RSPO2: variants seen among roughly 807,000 people sequenced by gnomAD.
The protein encoded by RSPO2 is R-spondin 2.
RSPO2 carries 14 observed loss-of-function variants against 30.9 expected under a neutral mutation model. The ratio of observed to expected loss-of-function variants is 0.45; its 90% CI spans 0.30 to 0.71. The LOEUF (loss-of-function observed/expected upper bound fraction) is 0.71, where lower values mean the gene tolerates loss of function less well. Among genes scored for constraint, RSPO2 ranks in the 30% least tolerant of loss-of-function variants. The pLI, the probability that RSPO2 is intolerant of heterozygous loss-of-function variation, is 0.08. For missense variants in RSPO2, 264 were observed against 301.9 expected, an observed-to-expected ratio of 0.87 and a Z score of 0.93; for synonymous variants, 107 against 96.4, an observed-to-expected ratio of 1.11 and a Z score of -0.64.
At chr8:108,038,751 T>TA (rs776604227) in intron 2 of RSPO2, among the ~76,000 whole-genome samples, 18 of 151,342 alleles carry the variant, frequency 1.2e-4, no homozygotes, top group Admixed American at 2.6e-4. Flanking sequence ...AGATGATTGT[T>TA]AGTGGGTTTT....
chr8:107,969,767 G>A (rs1485751115), intron 3 of RSPO2, among the ~76,000 whole-genome samples: 1 of 152,156 alleles, frequency 6.6e-6, no homozygotes, highest in Non-Finnish European at 1.5e-5. Flanking sequence ...TTCAAAAATT[G>A]TAAACCAAAT....
chr8:108,060,792 G>A (rs924481477), intron 2 of RSPO2, among the ~76,000 whole-genome samples: 7 of 151,730 alleles, frequency 4.6e-5, no homozygotes, highest in South Asian at 2.1e-4. Context: ...GAGAAAGGTC[G>A]GGTTACCCTC....
At chr8:107,943,467 G>A (rs1472609256) in intron 5 of RSPO2, among the ~76,000 whole-genome samples, 1 of 152,142 alleles carries the variant, frequency 6.6e-6, no homozygotes, top group South Asian at 2.1e-4. Flanking sequence ...TAAAAGGAAC[G>A]GTTCAAATTA....
At chr8:107,947,249 T>C (rs554316) in intron 5 of RSPO2, among the ~76,000 whole-genome samples, 2 of 151,988 alleles carry the variant, frequency 1.3e-5, no homozygotes, top group South Asian at 4.1e-4. Context: ...ATTTGTGTAC[T>C]TTAAATTTTC....
intron 3 of RSPO2, among the ~76,000 whole-genome samples, chr8:107,964,791 C>A (rs1450032028): frequency 1.3e-5 from 2 of 152,124 alleles, no homozygotes; most frequent in Non-Finnish European, 2.9e-5. Context: ...AAGCATTTTA[C>A]CCTTCACTGG....
chr8:108,009,594 C>A (rs1383945177), intron 2 of RSPO2, among the ~76,000 whole-genome samples: 2 of 152,118 alleles, frequency 1.3e-5, no homozygotes, highest in African/African-American at 4.8e-5. Flanking sequence ...TTATTTTTAG[C>A]TCTTAGCTTT....
intron 2 of RSPO2, among the ~76,000 whole-genome samples, chr8:107,991,177 G>T (rs1814832139): frequency 6.6e-6 from 1 of 151,382 alleles, no homozygotes; most frequent in Non-Finnish European, 1.5e-5. Flanking sequence ...AACCTGGAAG[G>T]CAGAGGTTGT....
At chr8:108,029,054 CTTTTTTTTTTTTTTTTTTTTTT>C (rs71308771) in intron 2 of RSPO2, among the ~76,000 whole-genome samples, 33 of 26,200 alleles carry the variant, frequency 1.3e-3, no homozygotes, top group Middle Eastern at 0.025. Context: ...TAACATGAGT[CTTTTTTTTTTTTTTTTTTTTTT>C]TTTTTTTTTT....
At chr8:108,021,250 A>T (rs1811049401) in intron 2 of RSPO2, among the ~76,000 whole-genome samples, 2 of 152,294 alleles carry the variant, frequency 1.3e-5, no homozygotes, top group South Asian at 4.2e-4. Context: ...CTGCCAAACA[A>T]ACCATTAACT....
intron 5 of RSPO2, among the ~76,000 whole-genome samples, chr8:107,906,526 GAAATGATAGTA>G (rs1811651677): frequency 6.6e-6 from 1 of 151,852 alleles, no homozygotes; most frequent in South Asian, 2.1e-4. Context: ...TACTATGATG[GAAATGATAGTA>G]AGCAGATTCT....
chr8:108,002,255 A>C (rs937244389), intron 2 of RSPO2, among the ~76,000 whole-genome samples: 2 of 152,274 alleles, frequency 1.3e-5, no homozygotes, highest in Admixed American at 1.3e-4. Context: ...TTGCAAAACC[A>C]CCACCCTCAC....
At chr8:107,946,598 C>T (rs2130392285) in intron 5 of RSPO2, among the ~76,000 whole-genome samples, 1 of 152,266 alleles carries the variant, frequency 6.6e-6, no homozygotes, top group South Asian at 2.1e-4. Flanking sequence ...GAGGCAAAAA[C>T]AGGCCAGCTA....
rs560252357 is a variant in RSPO2 at position 108,033,090 on chromosome 8, G to A, written c.95-43846C>T. 8.4e-4 allele frequency among the ~76,000 whole-genome samples: 126 copies of A among 150,504 alleles called. 2 individuals carry two copies. Among genetic ancestry groups the A allele is most frequent in the Middle Eastern group, 3.5e-3 (1 of 288 alleles). Reference sequence around the variant, plus strand: ...AAAAAAAAAAAAAATTTGTAGATACGGGGTCTCGCTATGTTACCCAAGCTG... The same window carrying A: ...AAAAAAAAAAAAAATTTGTAGATACAGGGTCTCGCTATGTTACCCAAGCTG... On this transcript the variant is annotated intron_variant, in intron 2 of 5. Transcript: ENST00000276659.
chr8:107,908,443 CAA>C (rs1462933049), intron 5 of RSPO2, among the ~76,000 whole-genome samples: 3 of 152,054 alleles, frequency 2.0e-5, no homozygotes, highest in African/African-American at 7.2e-5. Flanking sequence ...TTGTAAAGGA[CAA>C]AGTTTTCAGA....
At chr8:107,937,459 A>C (rs1355382943) in intron 5 of RSPO2, among the ~76,000 whole-genome samples, 2 of 151,880 alleles carry the variant, frequency 1.3e-5, no homozygotes, top group African/African-American at 4.8e-5. Flanking sequence ...TTCCATAATC[A>C]GTCTCCACAG....
At chr8:108,044,957 A>C (rs141386825) in intron 2 of RSPO2, among the ~76,000 whole-genome samples, 1,725 of 152,250 alleles carry the variant, frequency 0.011, 41 homozygotes, top group African/African-American at 0.04. Context: ...TAAATGTAAG[A>C]CCTTAAACTG....
At chr8:107,952,601 T>G (rs897484738) in intron 5 of RSPO2, among the ~76,000 whole-genome samples, 1 of 152,142 alleles carries the variant, frequency 6.6e-6, no homozygotes, top group African/African-American at 2.4e-5. Context: ...CCACATAAAT[T>G]GTGACTCAAA....
intron 2 of RSPO2, among the ~76,000 whole-genome samples, chr8:108,057,209 A>G (rs1563582649): frequency 6.6e-6 from 1 of 152,012 alleles, no homozygotes; most frequent in Non-Finnish European, 1.5e-5. Flanking sequence ...ATGTTGAACA[A>G]TTATGATGCA....
intron 2 of RSPO2, among the ~76,000 whole-genome samples, chr8:108,079,822 A>AC (rs1813135681): frequency 6.6e-6 from 1 of 152,170 alleles, no homozygotes; most frequent in South Asian, 2.1e-4. Context: ...CTTTTATAAA[A>AC]AATACCAATT....
Sources: allele counts gnomAD v4.1 joint callset (sites outside exome capture counted in the v4.1 genomes callset), GRCh38; gene constraint gnomAD v4.1.1; transcripts MANE v1.5; gene names NCBI Gene and HGNC (gene_info 2026-07-23, HGNC 2026-07-21).